The following SNX29 variants were observed in gnomAD, a reference collection of about 807,000 sequenced individuals.
SNX29 encodes sorting nexin-29.
SNX29 carries 78 observed loss-of-function variants against 102.1 expected under a neutral mutation model. The observed-to-expected ratio is 0.76, with a 90% CI of 0.64 to 0.92. The LOEUF is 0.92. Among genes scored for constraint, SNX29 ranks in the 40% least tolerant of loss-of-function variants. The pLI is 0.00. For missense variants in SNX29, 1,280 were observed against 1,061.7 expected (o/e 1.21, Z -2.86); for synonymous variants, 580 against 414.5 (o/e 1.40, Z -4.85).
At chr16:12,515,467 G>A (rs908271375) in intron 19 of SNX29, 23 of 482,596 alleles carry the variant, frequency 4.8e-5, no homozygotes, top group Non-Finnish European at 7.8e-5. Context: ...AGTCAGCTCT[G>A]AAATAGAACT....
At chr16:12,371,298 C>T (rs921720365) in intron 16 of SNX29, among the ~76,000 whole-genome samples, 1 of 151,208 alleles carries the variant, frequency 6.6e-6, no homozygotes, top group Non-Finnish European at 1.5e-5. Flanking sequence ...TCTTTCCTTC[C>T]TTTCCTCTTT....
intron 14 of SNX29, among the ~76,000 whole-genome samples, chr16:12,271,593 C>T (rs1461361408): frequency 6.6e-6 from 1 of 151,742 alleles, no homozygotes; most frequent in Non-Finnish European, 1.5e-5. Flanking sequence ...GGAATTGGAA[C>T]CATCTTTGTT....
At chr16:12,176,793 A>C (rs1338883504) in intron 13 of SNX29, among the ~76,000 whole-genome samples, 2 of 152,064 alleles carry the variant, frequency 1.3e-5, no homozygotes, top group Non-Finnish European at 2.9e-5. Flanking sequence ...GCTACATCTG[A>C]GTGTTGCTAT....
intron 4 of SNX29, among the ~76,000 whole-genome samples, chr16:12,027,980 G>A (rs1174677336): frequency 6.6e-6 from 1 of 152,204 alleles, no homozygotes; most frequent in Non-Finnish European, 1.5e-5. Flanking sequence ...AGCCCTGTGA[G>A]TAGTAGGGAC....
chr16:12,175,366 G>C (rs895356422), intron 13 of SNX29, among the ~76,000 whole-genome samples: 11 of 152,034 alleles, frequency 7.2e-5, no homozygotes, highest in African/African-American at 2.7e-4. Flanking sequence ...GGGCTGGCCG[G>C]GCATGGTGGA....
At chr16:12,487,825 A>G (rs2088325444) in intron 19 of SNX29, among the ~76,000 whole-genome samples, 1 of 152,220 alleles carries the variant, frequency 6.6e-6, no homozygotes, top group Non-Finnish European at 1.5e-5. Context: ...CCTGTGTCTC[A>G]TTTGACACTC....
chr16:12,211,728 G>T (rs2077189264), intron 14 of SNX29, among the ~76,000 whole-genome samples: 1 of 152,040 alleles, frequency 6.6e-6, no homozygotes. Flanking sequence ...GCCGTCTGGG[G>T]GCAGAATTCG....
In SNX29 at chr16:12,568,907, C is replaced by T. The variant is rs551973309; in HGVS notation, c.*278C>T. The T allele has an allele frequency of 4.2e-6, 2 of 472,646 alleles. No homozygotes were observed. The highest frequency in any genetic ancestry group is 3.8e-5 in the East Asian group (1 of 26,534). The allele number at this position is 472,646 out of a possible 1,614,324, so 29.3% of individuals were successfully genotyped here. On this transcript the variant is annotated 3_prime_UTR_variant, in exon 21 of 21. Transcript: ENST00000566228. ...CTACCCTGGGCTGCAAGGGCTGTTC[C>T]TCCACCTTTCTGTAGTTCAGGGCTG...
At chr16:12,132,543 C>T (rs951262149) in intron 13 of SNX29, among the ~76,000 whole-genome samples, 5 of 152,232 alleles carry the variant, frequency 3.3e-5, no homozygotes, top group African/African-American at 1.2e-4. Context: ...AGGATGATCT[C>T]ATCTAGCTGA....
chr16:12,416,162 C>T (rs541445342), intron 18 of SNX29, among the ~76,000 whole-genome samples: 5 of 152,282 alleles, frequency 3.3e-5, no homozygotes, highest in Non-Finnish European at 7.3e-5. Context: ...TGTTCGGTTT[C>T]TGACCCCAGA....
At chr16:12,546,305 A>C (rs1419710397) in intron 20 of SNX29, 1 of 152,256 alleles carries the variant, frequency 6.6e-6, no homozygotes, top group African/African-American at 2.4e-5. Flanking sequence ...GACATACCTG[A>C]GACTGTGCAA....
At chr16:12,481,201 T>G (rs2087890367) in intron 19 of SNX29, among the ~76,000 whole-genome samples, 1 of 152,178 alleles carries the variant, frequency 6.6e-6, no homozygotes. Context: ...AATGATCAGC[T>G]GGTACAAGTG....
chr16:12,542,022 GTT>G (rs896221590), intron 20 of SNX29, among the ~76,000 whole-genome samples: 2 of 152,098 alleles, frequency 1.3e-5, no homozygotes, highest in African/African-American at 4.8e-5. Flanking sequence ...GCACCGCTCT[GTT>G]TTTTCTTTTT....
chr16:12,472,552 AAAAG>A (rs2087405291), intron 18 of SNX29, among the ~76,000 whole-genome samples: 1 of 151,734 alleles, frequency 6.6e-6, no homozygotes, highest in African/African-American at 2.4e-5. Flanking sequence ...AACAAAAAAA[AAAAG>A]AAAAAAACAG....
chr16:12,521,981 G>T lies in SNX29; in HGVS notation c.2179-2721G>T, dbSNP rs143712992. Among the ~76,000 whole-genome samples, 182 of 152,330 alleles carry T rather than the reference G, an allele frequency of 1.2e-3. 1 individual carries two copies. The highest frequency in any genetic ancestry group is 4.2e-3 in the African/African-American group (173 of 41,582). ...GTTTGAGAGCTGCCACCCCTCTGGA[G>T]GAAGGTCCCCCACCGAGGCCGCTCA... On this transcript the variant is annotated intron_variant, in intron 19 of 20. Coordinates refer to ENST00000566228, the MANE Select transcript of SNX29 (RefSeq NM_032167.5).
chr16:12,413,687 T>G (rs1052926936), intron 18 of SNX29, among the ~76,000 whole-genome samples: 1 of 152,166 alleles, frequency 6.6e-6, no homozygotes, highest in African/African-American at 2.4e-5. Context: ...TTGAGTCGTC[T>G]TGGAGGTGGG....
chr16:12,214,589 A>G (rs1360735746), intron 14 of SNX29, among the ~76,000 whole-genome samples: 4 of 151,400 alleles, frequency 2.6e-5, no homozygotes, highest in Non-Finnish European at 4.4e-5. Context: ...TTTTTCTCAG[A>G]CTGAATGGAA....
At chr16:12,403,206 G>A (rs1968185) in intron 17 of SNX29, among the ~76,000 whole-genome samples, 56,813 of 107,022 alleles carry the variant, frequency 0.53, 11,886 homozygotes, top group Middle Eastern at 0.59. Context: ...GTGTGTATGT[G>A]TGTGTGTGTG....
chr16:12,197,717 G>GC (rs1245543113), intron 13 of SNX29, among the ~76,000 whole-genome samples: 1 of 152,202 alleles, frequency 6.6e-6, no homozygotes, highest in African/African-American at 2.4e-5. Context: ...ACCTGTGGAG[G>GC]CATCCATGAC....
Sources: gnomAD v4.1 joint callset for allele counts (sites outside exome capture counted in the v4.1 genomes callset) on GRCh38, gnomAD v4.1.1 for gene constraint, MANE v1.5 for transcripts, NCBI Gene and HGNC (gene_info 2026-07-23, HGNC 2026-07-21) for gene names.